PYHIN1: variants seen among roughly 807,000 people sequenced by gnomAD.
The protein encoded by PYHIN1 is pyrin and HIN domain-containing protein 1.
In PYHIN1, 32 loss-of-function variants were observed where a neutral mutation model predicts 43.7. The observed-to-expected ratio is 0.73, with a 90% confidence interval of 0.55 to 0.98. PYHIN1 has a LOEUF of 0.98. PYHIN1 is among the 50% of genes least tolerant of loss of function. The pLI, the probability that PYHIN1 is intolerant of heterozygous loss-of-function variation, is 0.00. For synonymous variants in PYHIN1, 205 were observed against 203.1 expected (o/e 1.01, Z -0.08); for missense variants, 588 against 589.5 (o/e 1.00, Z 0.03).
intron 1 of PYHIN1, among the ~76,000 whole-genome samples, chr1:158,932,175 C>T (rs1439940135): frequency 6.6e-6 from 1 of 152,078 alleles, no homozygotes; most frequent in Non-Finnish European, 1.5e-5. Flanking sequence ...ATGGATACGG[C>T]TAGAGAACAT....
At chr1:158,951,100 G>A (rs1649507089) in intron 7 of PYHIN1, among the ~76,000 whole-genome samples, 1 of 152,206 alleles carries the variant, frequency 6.6e-6, no homozygotes, top group Non-Finnish European at 1.5e-5. Flanking sequence ...GTTGAAGGAG[G>A]AGATGTGCCT....
At chr1:158,971,794 G>A (rs1384771824) in intron 7 of PYHIN1, among the ~76,000 whole-genome samples, 1 of 151,894 alleles carries the variant, frequency 6.6e-6, no homozygotes, top group Non-Finnish European at 1.5e-5. Flanking sequence ...AGTTAGCCTA[G>A]ATGAGTTTTC....
At chr1:158,960,290 C>T (rs1281548836) in intron 7 of PYHIN1, among the ~76,000 whole-genome samples, 1 of 152,218 alleles carries the variant, frequency 6.6e-6, no homozygotes, top group Non-Finnish European at 1.5e-5. Flanking sequence ...TTGGCCACTT[C>T]AATATCCACT....
chr1:158,939,091 A>G lies in PYHIN1; in HGVS notation c.423A>G (p.Lys141=). The change falls in exon 4 of 9, where the codon AAA becomes AAG. Residue 141 remains lysine, a synonymous_variant. Coordinates refer to ENST00000368140, the MANE Select transcript of PYHIN1 (RefSeq NM_152501.5). The part of the protein sequence containing the change: ...EETLGPQKRK[K]PSEEETGTKR... The stretch of plus-strand genomic sequence containing the variant: ...TAAACTACTTGTAGAAAAGAAAAAA[A>G]CCATCTGAAGAAGAGACTGGAACCA... The G allele has an allele frequency of 6.3e-7, 1 of 1,581,688 alleles. No homozygotes were observed. Among genetic ancestry groups the G allele is most frequent in the Non-Finnish European group, 8.5e-7 (1 of 1,171,038 alleles).
At chr1:158,988,550 G>A in the PYHIN1 span, among the ~76,000 whole-genome samples, 1 of 152,134 alleles carries the variant, frequency 6.6e-6, no homozygotes, top group Non-Finnish European at 1.5e-5. Context: ...TAGGTCTCAG[G>A]TGGAGATGAG....
intron 7 of PYHIN1, among the ~76,000 whole-genome samples, chr1:158,952,035 G>T (rs1055595154): frequency 2.6e-5 from 4 of 152,050 alleles, no homozygotes; most frequent in African/African-American, 9.7e-5. Context: ...CTGCGGAGCT[G>T]GAGAGCTAAG....
At chr1:158,949,637 G>T (rs996577877) in intron 7 of PYHIN1, among the ~76,000 whole-genome samples, 19 of 148,938 alleles carry the variant, frequency 1.3e-4, no homozygotes, top group Admixed American at 6.2e-4. Context: ...GCACTGTTTG[G>T]TTTTTTGTTC....
At chr1:158,986,528 A>T in the PYHIN1 span, among the ~76,000 whole-genome samples, 1 of 152,176 alleles carries the variant, frequency 6.6e-6, no homozygotes, top group Non-Finnish European at 1.5e-5. Context: ...ATGTGGGGAC[A>T]TGCTGGCAAA....
Position 158,976,868 on chromosome 1 carries a change from C to CTATATATATA in PYHIN1, c.*212_*221dup, listed in dbSNP as rs145640162. 4 of 221,544 alleles carry CTATATATATA rather than the reference C, an allele frequency of 1.8e-5. No homozygotes were observed. The highest frequency in any genetic ancestry group is 1.2e-4 in the African/African-American group (4 of 34,400). The allele number at this position is 221,544 out of a possible 1,614,324, so 13.7% of individuals were successfully genotyped here. On this transcript the variant is annotated 3_prime_UTR_variant, in exon 9 of 9. Transcript: ENST00000368140. Reference sequence around the variant, plus strand: ...TATGTATATATATCTGGTTGAAATACTATATATATATATATATATATATAT... The same window carrying CTATATATATA: ...TATGTATATATATCTGGTTGAAATACTATATATATATATATATATATATATATATATATAT...
At position 158,937,091 on chromosome 1, in the gene PYHIN1, G is replaced by T. The variant is rs773413126; in HGVS notation, c.181G>T (p.Gly61Cys). Residue 61 changes from glycine (G) to cysteine (C), a missense_variant, in exon 2 of 9, where the codon GGT becomes TGT. Physicochemically the swap from Gly to Cys is radical, Grantham distance 159. Coordinates refer to ENST00000368140, the MANE Select transcript of PYHIN1 (RefSeq NM_152501.5). ...LMEEKFPGDA[G>C]LGKLIEFFKE... ...GGAGGAAAAGTTCCCAGGTGATGCC[G>T]GTTTGGGCAAACTAATAGAATTCTT... 1.2e-6 allele frequency: 2 copies of T among 1,613,780 alleles called. No homozygotes were observed. The highest frequency in any genetic ancestry group is 1.7e-6 in the Non-Finnish European group (2 of 1,179,930).
chr1:158,938,411 G>A lies in PYHIN1; in HGVS notation c.280G>A (p.Glu94Lys). ...TTCTGCATTAGTTGCAAATAAAATT[G>A]AATCCATTCCAGTCAAAGGAATAAT... is the stretch of plus-strand genomic sequence containing the variant. Reference protein sequence around the residue: ...REKLKVANKIESIPVKGIIPS... With the variant: ...REKLKVANKIKSIPVKGIIPS... Residue 94 changes from glutamate (E) to lysine (K), a missense_variant, in exon 3 of 9, where the codon GAA becomes AAA. Coordinates refer to ENST00000368140, the MANE Select transcript of PYHIN1 (RefSeq NM_152501.5). The A allele has an allele frequency of 6.2e-7, 1 of 1,614,136 alleles. No individual in the cohort carries two copies. The highest frequency in any genetic ancestry group is 8.5e-7 in the Non-Finnish European group (1 of 1,180,014).
At chr1:158,975,062 A>T (rs1292877513) in intron 8 of PYHIN1, among the ~76,000 whole-genome samples, 1 of 151,982 alleles carries the variant, frequency 6.6e-6, no homozygotes, top group South Asian at 2.1e-4. Flanking sequence ...TAGCCCAGGA[A>T]TCTCAGCTAG....
chr1:158,948,508 G>A (rs1649345874), intron 7 of PYHIN1, among the ~76,000 whole-genome samples: 1 of 152,152 alleles, frequency 6.6e-6, no homozygotes, highest in African/African-American at 2.4e-5. Flanking sequence ...AGTGCGTCTT[G>A]TTGCTCCCCC....
At chr1:158,936,453 T>C (rs1335028151) in intron 1 of PYHIN1, among the ~76,000 whole-genome samples, 1 of 151,932 alleles carries the variant, frequency 6.6e-6, no homozygotes, top group Admixed American at 6.6e-5. Flanking sequence ...CTCAATAGAA[T>C]ACTGGCAAAC....
At chr1:158,959,658 C>T (rs1441518441) in intron 7 of PYHIN1, among the ~76,000 whole-genome samples, 1 of 152,190 alleles carries the variant, frequency 6.6e-6, no homozygotes, top group Non-Finnish European at 1.5e-5. Context: ...ACCCACGTTT[C>T]AGATTAGATG....
At chr1:158,980,434 A>G (rs552395574), downstream of PYHIN1, among the ~76,000 whole-genome samples, 227 of 152,244 alleles carry the variant, frequency 1.5e-3, no homozygotes, top group African/African-American at 5.0e-3. Context: ...CAGACAGCCT[A>G]TAAATGGATG....
intron 4 of PYHIN1, 102 bp from the exon 5 acceptor site, chr1:158,941,874 CA>C (rs1465310149): frequency 5.4e-6 from 6 of 1,105,042 alleles, no homozygotes; most frequent in Non-Finnish European, 7.5e-6. Flanking sequence ...TACACATCTA[CA>C]ACTTTTGGGG....
chr1:158,983,133 T>A, the PYHIN1 span, among the ~76,000 whole-genome samples: 1 of 152,060 alleles, frequency 6.6e-6, no homozygotes, highest in African/African-American at 2.4e-5. Context: ...GTCTTTTATT[T>A]TTTTTTCTCT....
Position 158,945,004 on chromosome 1 carries a change from A to G in PYHIN1, c.1321A>G (p.Met441Val), listed in dbSNP as rs1200374486. 1.9e-6 allele frequency: 3 copies of G among 1,613,730 alleles called. No individual in the cohort carries two copies. Among genetic ancestry groups the G allele is most frequent in the Admixed American group, 1.7e-5 (1 of 59,970 alleles). ...TGAAAGCCATCTCAAGACTCCTCAG[A>G]TGCCACCAACAACCCCATCCAGCAG... ...LPESHLKTPQ[M>V]PPTTPSSSSF... is the part of the protein sequence containing the mutation. The change falls in exon 7 of 9, where the codon ATG (methionine) becomes GTG (valine). Residue 441 changes from methionine to valine, a missense_variant. Coordinates refer to ENST00000368140, the MANE Select transcript of PYHIN1 (RefSeq NM_152501.5).
Sources: allele counts gnomAD v4.1 joint callset (sites outside exome capture counted in the v4.1 genomes callset), GRCh38; gene constraint gnomAD v4.1.1; transcripts MANE v1.5; gene names NCBI Gene and HGNC (gene_info 2026-07-23, HGNC 2026-07-21).